The following EFCAB10 variants were observed in gnomAD, a reference collection of about 807,000 sequenced individuals.
The protein encoded by EFCAB10 is EF-hand calcium binding domain 10.
Under a neutral mutation model 7.7 loss-of-function variants are expected in EFCAB10, and 7 were observed. That is an observed-to-expected ratio of 0.91 (90% CI 0.52 to 1.72). The LOEUF (loss-of-function observed/expected upper bound fraction) is 1.72, where lower values mean the gene tolerates loss of function less well. EFCAB10 is among the 40% of genes most tolerant of loss of function. EFCAB10 has a pLI of 0.00. For synonymous variants in EFCAB10, 52 were observed against 21.0 expected, an observed-to-expected ratio of 2.47 and a Z score of -4.03; for missense variants, 112 against 61.5, an observed-to-expected ratio of 1.82 and a Z score of -2.74.
At chr7:105,570,266 T>TATATAC (rs1791913141) in intron 1 of EFCAB10, among the ~76,000 whole-genome samples, 1 of 79,968 alleles carries the variant, frequency 1.3e-5, no homozygotes, top group East Asian at 3.2e-4. Flanking sequence ...TATATATATA[T>TATATAC]ATACACACAC....
chr7:105,574,427 A>T (rs886566099), intron 1 of EFCAB10, among the ~76,000 whole-genome samples: 1 of 152,002 alleles, frequency 6.6e-6, no homozygotes, highest in Non-Finnish European at 1.5e-5. Context: ...CAGAAGGCAC[A>T]GAGGAGCAAG....
intron 1 of EFCAB10, among the ~76,000 whole-genome samples, chr7:105,570,491 G>C (rs1037069596): frequency 4.6e-5 from 7 of 151,602 alleles, no homozygotes; most frequent in Admixed American, 3.3e-4. Flanking sequence ...AAGCCAAAAA[G>C]AGTAGTGATA....
intron 4 of EFCAB10, chr7:105,566,815 T>C (rs1791772993): frequency 5.6e-6 from 1 of 178,428 alleles, no homozygotes; most frequent in South Asian, 2.0e-4. Context: ...TTTTCCCATG[T>C]TCTAATCTAC....
At chr7:105,570,425 TA>T (rs1009744019) in intron 1 of EFCAB10, among the ~76,000 whole-genome samples, 9 of 151,214 alleles carry the variant, frequency 6.0e-5, no homozygotes, top group Non-Finnish European at 1.2e-4. Context: ...ATTTTAAAAA[TA>T]AAAAATCACG....
chr7:105,574,136 A>G (rs1432656045), intron 1 of EFCAB10, among the ~76,000 whole-genome samples: 1 of 148,488 alleles, frequency 6.7e-6, no homozygotes, highest in Non-Finnish European at 1.5e-5. Context: ...ATATATATAT[A>G]TATATATATA....
chr7:105,569,967 A>C (rs1471757224), intron 1 of EFCAB10, among the ~76,000 whole-genome samples: 1 of 151,790 alleles, frequency 6.6e-6, no homozygotes, highest in African/African-American at 2.4e-5. Flanking sequence ...TCATGCCTGT[A>C]ATCTCAGCAC....
At chr7:105,571,701 TACC>T (rs757040456) in intron 1 of EFCAB10, 2 of 152,236 alleles carry the variant, frequency 1.3e-5, no homozygotes, top group African/African-American at 2.4e-5. Context: ...AGTCCTTCTC[TACC>T]ACCACAATGC....
intron 1 of EFCAB10, 150 bp downstream of exon 1, chr7:105,581,208 G>A (rs376330005): frequency 1.7e-6 from 1 of 598,846 alleles, no homozygotes; most frequent in Non-Finnish European, 3.0e-6. Flanking sequence ...CAGCCTGAGG[G>A]ACTTTTATTG....
intron 4 of EFCAB10, chr7:105,565,695 AGGAG>A (rs1159198085): frequency 7.7e-7 from 1 of 1,296,584 alleles, no homozygotes; most frequent in East Asian, 2.3e-5. Flanking sequence ...AAATTGTTAC[AGGAG>A]GCTAACTCCT....
chr7:105,567,659 T>C (rs1288019428), intron 3 of EFCAB10, 169 bp from the exon 4 acceptor site: 1 of 520,692 alleles, frequency 1.9e-6, no homozygotes, highest in Non-Finnish European at 3.4e-6. Flanking sequence ...ACATAGCCAA[T>C]AAATTTTTTT....
At chr7:105,569,797 A>G (rs1791889411) in intron 1 of EFCAB10, among the ~76,000 whole-genome samples, 2 of 152,156 alleles carry the variant, frequency 1.3e-5, no homozygotes, top group South Asian at 4.1e-4. Flanking sequence ...AGAAAACTAT[A>G]GAGACTGGAC....
chr7:105,566,929 TAAAG>T lies in EFCAB10; in HGVS notation c.383+534_383+537del, dbSNP rs1586277486. The T allele has an allele frequency of 1.0e-5, 4 of 383,632 alleles. No individual in the cohort carries two copies. In the East Asian group the frequency reaches 1.2e-4, roughly 11 times the overall value. The allele number at this position is 383,632 out of a possible 1,614,324, so 23.8% of individuals were successfully genotyped here. A position where few individuals can be genotyped will look rare whatever the true frequency, so the allele number is the denominator to read the frequency against. On this transcript the variant is annotated intron_variant, in intron 4 of 4. Transcript: ENST00000480514. ...GGGATCGTATTACCTTATAGTAATC[TAAAG>T]AAATAGCAACTCTGCACCTGTGTAG...
In EFCAB10 at chr7:105,581,214, T is replaced by A. The variant is rs992244069; in HGVS notation, c.106+144A>T. Reference sequence around the variant, plus strand: ...ATTGTACTGCAGCCTGAGGGACTTTTATTGAAGGCCGCAGAGTTAATCAAC... The same window carrying A: ...ATTGTACTGCAGCCTGAGGGACTTTAATTGAAGGCCGCAGAGTTAATCAAC... On this transcript the variant is annotated intron_variant, in intron 1 of 4. Coordinates refer to ENST00000480514, the MANE Select transcript of EFCAB10 (RefSeq NM_001355526.2). The A allele has an allele frequency of 8.3e-6, 5 of 599,526 alleles. No homozygotes were observed. The East Asian group carries it at 1.1e-4, about 13-fold the overall frequency. 37.1% of individuals were successfully genotyped at this position (599,526 alleles called of 1,614,324 possible).
chr7:105,570,109 G>A lies in EFCAB10; in HGVS notation c.107-538C>T, dbSNP rs931154456. 2.7e-4 allele frequency among the ~76,000 whole-genome samples: 40 copies of A among 147,758 alleles called. No homozygotes were observed. In the Admixed American group the frequency reaches 2.7e-3, roughly 10 times the overall value. On this transcript the variant is annotated intron_variant, in intron 1 of 4. Transcript: ENST00000480514. The stretch of plus-strand genomic sequence containing the variant: ...CATGCCTGTAATCCCAGCTACTCGG[G>A]AGGCTGAGGCAGGAGAATCGCTTGA...
chr7:105,578,908 G>T (rs755036001), intron 1 of EFCAB10, among the ~76,000 whole-genome samples: 1 of 152,112 alleles, frequency 6.6e-6, no homozygotes, highest in Non-Finnish European at 1.5e-5. Context: ...TAGTAGCTGG[G>T]ACTAGAGGCA....
intron 1 of EFCAB10, among the ~76,000 whole-genome samples, chr7:105,574,808 G>T (rs868198128): frequency 6.6e-6 from 1 of 151,684 alleles, no homozygotes; most frequent in Admixed American, 6.6e-5. Context: ...TAAAACCATC[G>T]GATCAGGTCA....
intron 1 of EFCAB10, among the ~76,000 whole-genome samples, chr7:105,576,445 C>CATT (rs373395005): frequency 0.014 from 2,057 of 151,822 alleles, 42 homozygotes; most frequent in African/African-American, 0.047. Flanking sequence ...TTCTCATCAT[C>CATT]ATTATTATTA....
At chr7:105,575,380 C>A (rs1184531878) in intron 1 of EFCAB10, among the ~76,000 whole-genome samples, 3 of 152,220 alleles carry the variant, frequency 2.0e-5, no homozygotes, top group Admixed American at 2.0e-4. Flanking sequence ...GCAATCTTGG[C>A]TTACTGCAAC....
chr7:105,565,564 C>T lies in EFCAB10; in HGVS notation c.*-117G>A, dbSNP rs2133480241. 6.2e-7 allele frequency: 1 copy of T among 1,613,902 alleles called. No individual in the cohort carries two copies. The highest frequency in any genetic ancestry group is 8.5e-7 in the Non-Finnish European group (1 of 1,179,800). On this transcript the variant is annotated intron_variant, in intron 4 of 4. Coordinates refer to ENST00000480514, the MANE Select transcript of EFCAB10 (RefSeq NM_001355526.2). ...GCTAATCACTTCAATGAAGGAGGAG[C>T]AGCCCAGCTGCAGTTTGATATGACT...
Sources: allele counts gnomAD v4.1 joint callset (sites outside exome capture counted in the v4.1 genomes callset), GRCh38; gene constraint gnomAD v4.1.1; transcripts MANE v1.5; gene names NCBI Gene and HGNC (gene_info 2026-07-23, HGNC 2026-07-21).